Variants in SUMF1 observed in about 807,000 individuals in gnomAD.
The protein encoded by SUMF1 is sulfatase modifying factor 1, also known as formylglycine-generating enzyme.
In SUMF1, 48 loss-of-function variants were observed where a neutral mutation model predicts 47.6. That is an observed-to-expected ratio of 1.01 (90% CI 0.80 to 1.28). The LOEUF (loss-of-function observed/expected upper bound fraction) is 1.28. Among genes scored for constraint, SUMF1 ranks in the 50% most tolerant of loss-of-function variants. The pLI is 0.00. For missense variants in SUMF1, 571 were observed against 485.4 expected (o/e 1.18, Z -1.66); for synonymous variants, 230 against 192.1 (o/e 1.20, Z -1.63).
chr3:4,383,386 A>T (rs991309621), intron 7 of SUMF1, among the ~76,000 whole-genome samples: 4 of 152,222 alleles, frequency 2.6e-5, no homozygotes, highest in Non-Finnish European at 4.4e-5. Flanking sequence ...CTCAAAAATA[A>T]ATAAATAAAT....
At chr3:4,252,377 CA>C (rs774412405) in intron 8 of SUMF1, among the ~76,000 whole-genome samples, 203 of 143,750 alleles carry the variant, frequency 1.4e-3, no homozygotes, top group Middle Eastern at 3.6e-3. Context: ...CACACACACA[CA>C]CCCCACTGGC....
At chr3:4,434,898 T>G (rs1397149153) in intron 3 of SUMF1, among the ~76,000 whole-genome samples, 2 of 152,130 alleles carry the variant, frequency 1.3e-5, no homozygotes, top group African/African-American at 4.8e-5. Flanking sequence ...AACCCCAAGA[T>G]GACCCAGAAG....
At chr3:4,036,723 G>A (rs1016046188) in intron 9 of SUMF1, among the ~76,000 whole-genome samples, 2 of 151,824 alleles carry the variant, frequency 1.3e-5, no homozygotes, top group African/African-American at 2.4e-5. Context: ...TTCTGGTGCT[G>A]AATGTTCTGT....
At chr3:4,339,286 T>C (rs78506636) in intron 8 of SUMF1, among the ~76,000 whole-genome samples, 2 of 152,254 alleles carry the variant, frequency 1.3e-5, no homozygotes, top group Non-Finnish European at 2.9e-5. Flanking sequence ...CCCATTTTCC[T>C]TGTGAGGTAT....
intron 8 of SUMF1, among the ~76,000 whole-genome samples, chr3:4,166,741 G>C (rs567075289): frequency 2.0e-5 from 3 of 152,224 alleles, no homozygotes; most frequent in Non-Finnish European, 2.9e-5. Flanking sequence ...TTCCACTTAT[G>C]GCTGCAGGGC....
At chr3:4,089,604 T>TA (rs909289281) in intron 8 of SUMF1, among the ~76,000 whole-genome samples, 2 of 152,050 alleles carry the variant, frequency 1.3e-5, no homozygotes, top group Admixed American at 6.6e-5. Context: ...AAGCACTGGA[T>TA]AAAAAACTAA....
At chr3:4,121,585 A>C (rs997506903) in intron 8 of SUMF1, among the ~76,000 whole-genome samples, 7 of 152,126 alleles carry the variant, frequency 4.6e-5, no homozygotes, top group Admixed American at 4.6e-4. Context: ...AAAAGTAAAC[A>C]CATGCTCAAA....
Position 4,118,071 on chromosome 3 carries a change from G to A in SUMF1, c.1015-49326C>T, listed in dbSNP as rs567252849. ...ATTCATGGTCAGGACATATCAGGGC[G>A]GATCTGGCAGATAATAGGGTAGGGT... On this transcript the variant is annotated intron_variant and NMD_transcript_variant, in intron 8 of 12. Transcript: ENST00000448413. Among the ~76,000 whole-genome samples the A allele has an allele frequency of 1.2e-4, 19 of 152,066 alleles. No homozygotes were observed. In the South Asian group the frequency reaches 1.5e-3, roughly 12 times the overall value.
intron 8 of SUMF1, among the ~76,000 whole-genome samples, chr3:4,251,151 A>C (rs950558934): frequency 3.3e-5 from 5 of 152,206 alleles, no homozygotes; most frequent in African/African-American, 1.2e-4. Flanking sequence ...TCAAAATATC[A>C]GCACTAATAG....
rs192374909 is a variant in SUMF1 at position 4,445,434 on chromosome 3, C to T, written c.519+3832G>A. Among the ~76,000 whole-genome samples, 267 of 152,232 alleles carry T rather than the reference C, an allele frequency of 1.8e-3. 1 individual carries two copies. Among genetic ancestry groups the T allele is most frequent in the African/African-American group, 6.0e-3 (250 of 41,540 alleles). On this transcript the variant is annotated intron_variant, in intron 3 of 8. Coordinates refer to ENST00000272902, the MANE Select transcript of SUMF1 (RefSeq NM_182760.4). ...CTCACTGAAACCTCGAACTCCTGGGCTCAAGTGATCCTCCCACCTCAGTCT... is the reference window on the plus strand; with the variant it reads ...CTCACTGAAACCTCGAACTCCTGGGTTCAAGTGATCCTCCCACCTCAGTCT...
rs989564644 is a variant in SUMF1 at position 4,209,125 on chromosome 3, T to C, written c.1015-140380A>G. ...AAAACATCTAGACCTGGCCACTTTA[T>C]GGGATATTATCCTTTTAATGATTCA... On this transcript the variant is annotated intron_variant and NMD_transcript_variant, in intron 8 of 12. Coordinates refer to the SUMF1 transcript ENST00000448413. 2.0e-5 allele frequency among the ~76,000 whole-genome samples: 3 copies of C among 152,220 alleles called. No homozygotes were observed. In the South Asian group the frequency reaches 6.2e-4, roughly 32 times the overall value.
At chr3:4,392,395 T>C (rs1039478813) in intron 7 of SUMF1, among the ~76,000 whole-genome samples, 12 of 152,058 alleles carry the variant, frequency 7.9e-5, no homozygotes, top group African/African-American at 2.7e-4. Flanking sequence ...TTGTTAAATC[T>C]AGCATCTGGG....
intron 9 of SUMF1, among the ~76,000 whole-genome samples, chr3:4,057,208 TA>T (rs1211459380): frequency 3.3e-5 from 5 of 152,016 alleles, no homozygotes; most frequent in African/African-American, 1.2e-4. Flanking sequence ...GGAAGGGAAT[TA>T]AAAGCTGTCA....
chr3:4,085,772 G>A (rs891944703), intron 8 of SUMF1, among the ~76,000 whole-genome samples: 2 of 152,018 alleles, frequency 1.3e-5, no homozygotes, highest in African/African-American at 4.8e-5. Context: ...CATGAGACAT[G>A]CAGTTGTTTT....
chr3:4,185,727 G>A (rs1039225897), intron 8 of SUMF1, among the ~76,000 whole-genome samples: 1 of 152,274 alleles, frequency 6.6e-6, no homozygotes, highest in Non-Finnish European at 1.5e-5. Flanking sequence ...GATAGTGAGA[G>A]TATAATTTTA....
rs572551270 is a variant in SUMF1 at position 4,409,355 on chromosome 3, T to C, written c.954+1510A>G. Among the ~76,000 whole-genome samples, 29 of 152,304 alleles carry C rather than the reference T, an allele frequency of 1.9e-4. 1 individual carries two copies. The South Asian group carries it at 5.2e-3, about 27-fold the overall frequency. On this transcript the variant is annotated intron_variant, in intron 7 of 8. Coordinates refer to ENST00000272902, the MANE Select transcript of SUMF1 (RefSeq NM_182760.4). ...AAACCTAAAATGAGAACAATTTCAT[T>C]AGAGCAAGGGCAACATCCAGGATAA...
intron 8 of SUMF1, among the ~76,000 whole-genome samples, chr3:4,187,367 T>C (rs1695223153): frequency 6.6e-6 from 1 of 152,110 alleles, no homozygotes; most frequent in African/African-American, 2.4e-5. Flanking sequence ...AGACCCTGTC[T>C]ATAAAAAAAA....
At chr3:4,391,520 G>T (rs143196403) in intron 7 of SUMF1, among the ~76,000 whole-genome samples, 2,284 of 152,234 alleles carry the variant, frequency 0.015, 22 homozygotes, top group Admixed American at 0.02. Flanking sequence ...GTCTCACTCT[G>T]TCACCCAGGC....
downstream of SUMF1, among the ~76,000 whole-genome samples, chr3:4,360,202 G>GTTTTTTT (rs1553562272): frequency 1.4e-5 from 1 of 70,034 alleles, no homozygotes; most frequent in African/African-American, 9.2e-5. Context: ...ACCAATGTTT[G>GTTTTTTT]TTCTTTTTTT....
Sources: allele counts gnomAD v4.1 joint callset (sites outside exome capture counted in the v4.1 genomes callset), GRCh38; gene constraint gnomAD v4.1.1; transcripts MANE v1.5; gene names NCBI Gene and HGNC (gene_info 2026-07-23, HGNC 2026-07-21).